The following KLF7 variants were observed in gnomAD, a reference collection of about 807,000 sequenced individuals.
KLF7 encodes the protein KLF transcription factor 7, also known as Krueppel-like factor 7.
KLF7 carries 2 observed loss-of-function variants against 27.3 expected under a neutral mutation model. That is an observed-to-expected ratio of 0.07 (90% CI 0.03 to 0.23). The LOEUF is 0.23. Among genes scored for constraint, KLF7 ranks in the 10% least tolerant of loss-of-function variants. The pLI, the probability that KLF7 is intolerant of heterozygous loss-of-function variation, is 1.00. For synonymous variants in KLF7, 165 were observed against 162.4 expected (o/e 1.02, Z -0.12); for missense variants, 221 against 394.1 (o/e 0.56, Z 3.72).
At chr2:207,164,806 T>C (rs1331440632) in intron 1 of KLF7, among the ~76,000 whole-genome samples, 1 of 152,178 alleles carries the variant, frequency 6.6e-6, no homozygotes, top group Non-Finnish European at 1.5e-5. Context: ...GGGTGTTCTC[T>C]TTCTGGAGGG....
chr2:207,150,729 T>C (rs2078219677), intron 1 of KLF7, among the ~76,000 whole-genome samples: 2 of 152,168 alleles, frequency 1.3e-5, no homozygotes, highest in African/African-American at 4.8e-5. Context: ...ACCGGTATTT[T>C]TCAAACTTCA....
chr2:207,170,044 T>G (rs2078774923), upstream of KLF7, among the ~76,000 whole-genome samples: 1 of 151,886 alleles, frequency 6.6e-6, no homozygotes, highest in African/African-American at 2.4e-5. Context: ...GAAGAAGGTA[T>G]ATCAAACACC....
At chr2:207,098,662 T>C (rs1320831285) in intron 2 of KLF7, among the ~76,000 whole-genome samples, 1 of 152,002 alleles carries the variant, frequency 6.6e-6, no homozygotes, top group Non-Finnish European at 1.5e-5. Context: ...AGTCTCACTC[T>C]GTTGCCCAGA....
At position 207,077,189 on chromosome 2, in the gene KLF7, G is replaced by C. The variant is rs1294507472; in HGVS notation, c.*4024C>G. 1 of 152,154 alleles carries C rather than the reference G, an allele frequency of 6.6e-6. No homozygotes were observed. The highest frequency in any genetic ancestry group is 1.5e-5 in the Non-Finnish European group (1 of 68,028). The allele number at this position is 152,154 out of a possible 1,614,324, so 9.4% of individuals were successfully genotyped here. A position where few individuals can be genotyped will look rare whatever the true frequency, so the allele number is the denominator to read the frequency against. ...TCACTGGGTTTTGTTCTTGCAACTT[G>C]AGTTTCTTTTGGCTTTGCCATAAAA... On this transcript the variant is annotated 3_prime_UTR_variant, in exon 4 of 4. Coordinates refer to ENST00000309446, the MANE Select transcript of KLF7 (RefSeq NM_003709.4).
intron 2 of KLF7, among the ~76,000 whole-genome samples, chr2:207,091,133 C>T (rs2076501582): frequency 6.6e-6 from 1 of 152,144 alleles, no homozygotes; most frequent in Non-Finnish European, 1.5e-5. Flanking sequence ...TTCTGAAGGA[C>T]ACAGGAAGGG....
At chr2:207,157,219 T>TAAAAAAAAAAAA (rs5838052) in intron 1 of KLF7, among the ~76,000 whole-genome samples, 3 of 87,312 alleles carry the variant, frequency 3.4e-5, no homozygotes, top group Non-Finnish European at 6.8e-5. Context: ...AACAGAAAAG[T>TAAAAAAAAAAAA]AAAAAAAAAA....
At chr2:207,084,505 A>G (rs1009231436) in intron 3 of KLF7, among the ~76,000 whole-genome samples, 1 of 152,178 alleles carries the variant, frequency 6.6e-6, no homozygotes. Flanking sequence ...CCCCTACTGA[A>G]TCAAATGAGC....
chr2:207,126,403 T>G (rs73983185), intron 1 of KLF7, among the ~76,000 whole-genome samples: 4,692 of 152,262 alleles, frequency 0.031, 250 homozygotes, highest in African/African-American at 0.11. Context: ...AAAGCCCACT[T>G]TATACTATTA....
chr2:207,145,471 A>G (rs1388115462), intron 1 of KLF7, among the ~76,000 whole-genome samples: 1 of 152,248 alleles, frequency 6.6e-6, no homozygotes, highest in Non-Finnish European at 1.5e-5. Context: ...GAAGTTATCA[A>G]ACCCAAAAAG....
chr2:207,115,544 C>A (rs1455518153), intron 2 of KLF7, among the ~76,000 whole-genome samples: 1 of 152,200 alleles, frequency 6.6e-6, no homozygotes, highest in South Asian at 2.1e-4. Flanking sequence ...TAAAAAGTCA[C>A]CAACTTTTAA....
intron 2 of KLF7, among the ~76,000 whole-genome samples, chr2:207,103,313 C>T (rs1362199774): frequency 6.6e-6 from 1 of 152,176 alleles, no homozygotes; most frequent in Middle Eastern, 3.2e-3. Context: ...GGAAAGCAGG[C>T]CTGGTGGCAG....
In KLF7 at chr2:207,123,755, G is replaced by A. The variant is rs772589092; in HGVS notation, c.733+19C>T. On this transcript the variant is annotated intron_variant, in intron 2 of 3. Coordinates refer to ENST00000309446, the MANE Select transcript of KLF7 (RefSeq NM_003709.4). ...GGAGGGGAAAGAAGAAACCACGTGC[G>A]GCCAACTTGTACCACTACCTGTGTG... 46 of 1,597,994 alleles carry A rather than the reference G, an allele frequency of 2.9e-5. No homozygotes were observed. In the Middle Eastern group the frequency reaches 5.0e-4, roughly 17 times the overall value.
At chr2:207,172,163 C>T (rs941568538), upstream of KLF7, among the ~76,000 whole-genome samples, 1 of 152,092 alleles carries the variant, frequency 6.6e-6, no homozygotes, top group African/African-American at 2.4e-5. Flanking sequence ...TGAAATTTCT[C>T]TCCCTCAAAG....
chr2:207,110,434 C>T (rs1021075608), intron 2 of KLF7, among the ~76,000 whole-genome samples: 5 of 152,244 alleles, frequency 3.3e-5, no homozygotes, highest in Non-Finnish European at 1.5e-5. Context: ...TTCAGCAAGG[C>T]CACTGTACCC....
chr2:207,146,380 T>A (rs2078096615), intron 1 of KLF7, among the ~76,000 whole-genome samples: 1 of 152,202 alleles, frequency 6.6e-6, no homozygotes, highest in Non-Finnish European at 1.5e-5. Flanking sequence ...TGGCCTATGC[T>A]CTTCAAGTAC....
intron 2 of KLF7, among the ~76,000 whole-genome samples, chr2:207,119,448 G>C (rs2077276471): frequency 7.6e-6 from 1 of 131,978 alleles, no homozygotes; most frequent in African/African-American, 2.6e-5. Flanking sequence ...TTTTTGCTGA[G>C]AATGAGCATA....
At chr2:207,084,927 C>T (rs1428683442) in intron 3 of KLF7, among the ~76,000 whole-genome samples, 1 of 151,894 alleles carries the variant, frequency 6.6e-6, no homozygotes, top group Admixed American at 6.6e-5. Flanking sequence ...CTTTGGGAGG[C>T]TGAGGTGGGT....
intron 2 of KLF7, among the ~76,000 whole-genome samples, chr2:207,097,749 A>G (rs74864348): frequency 0.012 from 1,859 of 152,348 alleles, 45 homozygotes; most frequent in African/African-American, 0.041. Flanking sequence ...AGCTGTTGAA[A>G]ATTAAAGAAT....
chr2:207,110,330 A>G (rs918935314), intron 2 of KLF7, among the ~76,000 whole-genome samples: 3 of 152,248 alleles, frequency 2.0e-5, no homozygotes, highest in African/African-American at 7.2e-5. Flanking sequence ...AGTTTTACCA[A>G]TAAAAGTTTT....
Sources: allele counts gnomAD v4.1 joint callset (sites outside exome capture counted in the v4.1 genomes callset), GRCh38; gene constraint gnomAD v4.1.1; transcripts MANE v1.5; gene names NCBI Gene and HGNC (gene_info 2026-07-23, HGNC 2026-07-21).